Variants in RANBP17 observed in about 807,000 individuals in gnomAD.
RANBP17 encodes the protein RAN binding protein 17, also known as ran-binding protein 17.
In RANBP17, 158 loss-of-function variants were observed where a neutral mutation model predicts 141.2. The ratio of observed to expected loss-of-function variants is 1.12; its 90% CI spans 0.98 to 1.28. The LOEUF is 1.28. Ranked by LOEUF, RANBP17 falls within the 50% of genes most tolerant of loss-of-function variation. The probability of loss-of-function intolerance (pLI) is 0.00; values close to 1 mark genes in which losing one functional copy is unlikely to be tolerated. For synonymous variants in RANBP17, 430 were observed against 450.0 expected (o/e 0.96, Z 0.56); for missense variants, 1,438 against 1,290.7 (o/e 1.11, Z -1.75).
intron 14 of RANBP17, among the ~76,000 whole-genome samples, chr5:171,155,529 A>G (rs949853528): frequency 1.3e-5 from 2 of 152,164 alleles, no homozygotes; most frequent in African/African-American, 2.4e-5. Flanking sequence ...ATGATTTATG[A>G]TGATAATAAT....
At chr5:171,164,495 A>G (rs948466960) in intron 14 of RANBP17, among the ~76,000 whole-genome samples, 3 of 151,708 alleles carry the variant, frequency 2.0e-5, no homozygotes, top group Admixed American at 1.3e-4. Flanking sequence ...TTCTACAGGC[A>G]ATATTTGTCA....
At chr5:170,868,228 G>A (rs182344630) in intron 1 of RANBP17, among the ~76,000 whole-genome samples, 1 of 152,110 alleles carries the variant, frequency 6.6e-6, no homozygotes, top group African/African-American at 2.4e-5. Context: ...GGGTATGAAA[G>A]TTGGATGCTG....
intron 14 of RANBP17, among the ~76,000 whole-genome samples, chr5:171,140,220 T>G (rs1249013489): frequency 2.0e-5 from 3 of 152,218 alleles, no homozygotes; most frequent in Admixed American, 6.5e-5. Context: ...CTCGCACAGT[T>G]TGTAATAATG....
intron 3 of RANBP17, among the ~76,000 whole-genome samples, chr5:170,886,950 A>G (rs1310957209): frequency 1.3e-5 from 2 of 152,062 alleles, no homozygotes; most frequent in Non-Finnish European, 2.9e-5. Context: ...GGTGTGAGCC[A>G]CCATGCCCGG....
intron 14 of RANBP17, among the ~76,000 whole-genome samples, chr5:171,012,313 G>A (rs1263916322): frequency 7.2e-5 from 11 of 152,072 alleles, no homozygotes; most frequent in East Asian, 1.9e-4. Context: ...TTGCATTGTC[G>A]TTGCTTGCTT....
At chr5:170,882,459 C>T (rs1021644078) in intron 3 of RANBP17, among the ~76,000 whole-genome samples, 2 of 152,084 alleles carry the variant, frequency 1.3e-5, no homozygotes, top group African/African-American at 2.4e-5. Context: ...CTCATTTTAT[C>T]CACCAAATAA....
intron 9 of RANBP17, 60 bp downstream of exon 9, chr5:170,916,644 C>A: frequency 3.8e-6 from 4 of 1,046,918 alleles, no homozygotes; most frequent in Non-Finnish European, 5.3e-6. Flanking sequence ...GCTAAAGGCA[C>A]ATAATAAACT....
chr5:171,075,421 T>C (rs1784858827), intron 14 of RANBP17, among the ~76,000 whole-genome samples: 1 of 152,166 alleles, frequency 6.6e-6, no homozygotes, highest in Non-Finnish European at 1.5e-5. Context: ...CTTCAAAAAA[T>C]GATAAATGAA....
At chr5:170,942,153 T>C (rs1488059061) in intron 12 of RANBP17, among the ~76,000 whole-genome samples, 1 of 152,146 alleles carries the variant, frequency 6.6e-6, no homozygotes, top group Non-Finnish European at 1.5e-5. Context: ...ATCTAATGTG[T>C]ATAATGCCTG....
intron 14 of RANBP17, among the ~76,000 whole-genome samples, chr5:171,116,472 G>A (rs1211740849): frequency 6.6e-6 from 1 of 152,148 alleles, no homozygotes; most frequent in East Asian, 1.9e-4. Context: ...AGAGTCCTGA[G>A]CACTGTCTTA....
At chr5:171,090,708 C>T (rs1442828041) in intron 14 of RANBP17, among the ~76,000 whole-genome samples, 2 of 152,094 alleles carry the variant, frequency 1.3e-5, no homozygotes, top group South Asian at 4.1e-4. Flanking sequence ...TCTGTGCAGT[C>T]TAGGGACTTG....
chr5:171,044,729 A>G (rs1164928194), intron 14 of RANBP17, among the ~76,000 whole-genome samples: 2 of 152,106 alleles, frequency 1.3e-5, no homozygotes, highest in African/African-American at 2.4e-5. Context: ...GTTTCCCTCA[A>G]ATATAATGGT....
intron 1 of RANBP17, among the ~76,000 whole-genome samples, chr5:170,875,330 T>C (rs554472126): frequency 1.3e-5 from 2 of 151,952 alleles, no homozygotes; most frequent in East Asian, 3.9e-4. Flanking sequence ...CTTACTGAGG[T>C]TCTCTGTATT....
chr5:171,068,987 C>T (rs181045739), intron 14 of RANBP17, among the ~76,000 whole-genome samples: 1 of 152,086 alleles, frequency 6.6e-6, no homozygotes, highest in Admixed American at 6.5e-5. Flanking sequence ...CGATATTTTG[C>T]GAAAACTATC....
At chr5:171,103,207 C>T (rs1787298148) in intron 14 of RANBP17, among the ~76,000 whole-genome samples, 1 of 152,196 alleles carries the variant, frequency 6.6e-6, no homozygotes, top group Non-Finnish European at 1.5e-5. Context: ...CACAGCCACC[C>T]CTTCCCCCAG....
At chr5:171,127,901 C>T (rs766198216) in intron 14 of RANBP17, among the ~76,000 whole-genome samples, 1 of 152,328 alleles carries the variant, frequency 6.6e-6, no homozygotes, top group South Asian at 2.1e-4. Flanking sequence ...TGGCTCACGC[C>T]TGTAATCCCA....
At chr5:170,959,183 C>G (rs892380224) in intron 13 of RANBP17, among the ~76,000 whole-genome samples, 2 of 152,118 alleles carry the variant, frequency 1.3e-5, no homozygotes, top group Non-Finnish European at 2.9e-5. Context: ...TACCCATCTC[C>G]CAGTCATCCC....
At chr5:171,210,396 C>G (rs1762808122) in intron 20 of RANBP17, among the ~76,000 whole-genome samples, 1 of 152,158 alleles carries the variant, frequency 6.6e-6, no homozygotes, top group African/African-American at 2.4e-5. Flanking sequence ...GGAGCATCCC[C>G]TTATATCTCC....
At chr5:171,232,695 A>G (rs944530760) in intron 22 of RANBP17, among the ~76,000 whole-genome samples, 1 of 152,134 alleles carries the variant, frequency 6.6e-6, no homozygotes, top group Non-Finnish European at 1.5e-5. Flanking sequence ...TTTTATGTGT[A>G]CATATACACA....
Sources: allele counts gnomAD v4.1 joint callset (sites outside exome capture counted in the v4.1 genomes callset), GRCh38; gene constraint gnomAD v4.1.1; transcripts MANE v1.5; gene names NCBI Gene and HGNC (gene_info 2026-07-23, HGNC 2026-07-21).